RNF150: variants seen among roughly 807,000 people sequenced by gnomAD.
RNF150 encodes the protein ring finger protein 150.
In RNF150, 24 loss-of-function variants were observed where a neutral mutation model predicts 39.3. That is an observed-to-expected ratio of 0.61 (90% CI 0.44 to 0.86). The LOEUF (loss-of-function observed/expected upper bound fraction) is 0.86. Among genes scored for constraint, RNF150 ranks in the 40% least tolerant of loss-of-function variants. The pLI is 0.00. For missense variants in RNF150, 502 were observed against 587.8 expected (o/e 0.85, Z 1.51); for synonymous variants, 255 against 227.3 (o/e 1.12, Z -1.10).
chr4:140,999,658 C>G (rs73858693), intron 1 of RNF150, among the ~76,000 whole-genome samples: 11,521 of 152,036 alleles, frequency 0.076, 491 homozygotes, highest in Middle Eastern at 0.16. Context: ...TTCCAGGCCA[C>G]GTGCGGCGGC....
chr4:140,958,867 T>C (rs888365822), intron 2 of RNF150, among the ~76,000 whole-genome samples: 2 of 152,170 alleles, frequency 1.3e-5, no homozygotes, highest in Admixed American at 1.3e-4. Flanking sequence ...ATGTGTTAAA[T>C]GGACAGTAAA....
In RNF150 at chr4:141,132,536, G is replaced by A; in HGVS notation, c.273C>T (p.Val91=). 1.3e-6 allele frequency: 2 copies of A among 1,598,566 alleles called. No homozygotes were observed. The highest frequency in any genetic ancestry group is 8.5e-7 in the Non-Finnish European group (1 of 1,173,580). The change falls in exon 1 of 7, where the codon GTC becomes GTT. Residue 91 remains valine, a synonymous_variant. Coordinates refer to ENST00000515673, the MANE Select transcript of RNF150 (RefSeq NM_020724.2). The surrounding 1 kb of genome is among the most constrained non-coding windows in gnomAD (Gnocchi z 4.9). ...SPKQDARGEV[V]MASSAHDRLA... is the part of the protein sequence containing the mutation. ...GGCGGTCGTGGGCCGAGCTGGCCAT[G>A]ACCACCTCCCCGCGGGCGTCCTGCT...
intron 1 of RNF150, among the ~76,000 whole-genome samples, chr4:141,196,540 G>A (rs1248201123): frequency 6.6e-6 from 1 of 152,154 alleles, no homozygotes; most frequent in Non-Finnish European, 1.5e-5. Context: ...TTTGAGAATT[G>A]CTCCATTATG....
intron 4 of RNF150, among the ~76,000 whole-genome samples, chr4:140,945,116 T>C (rs543130687): frequency 4.6e-5 from 7 of 152,234 alleles, no homozygotes; most frequent in Admixed American, 4.6e-4. Context: ...GGGTTCATAG[T>C]ATGGAAATAA....
chr4:141,086,673 G>T (rs998744933), intron 1 of RNF150, among the ~76,000 whole-genome samples: 1 of 151,092 alleles, frequency 6.6e-6, no homozygotes, highest in African/African-American at 2.4e-5. Context: ...CCCCCTCTTT[G>T]ATGCCCCACT....
chr4:140,997,968 G>A (rs965118484), intron 1 of RNF150, among the ~76,000 whole-genome samples: 11 of 152,122 alleles, frequency 7.2e-5, no homozygotes, highest in African/African-American at 2.4e-4. Flanking sequence ...TCATACTCAT[G>A]TATGACCTAT....
chr4:140,969,266 T>G (rs1579013919), intron 1 of RNF150, among the ~76,000 whole-genome samples: 3 of 152,274 alleles, frequency 2.0e-5, no homozygotes, highest in East Asian at 3.9e-4. Context: ...AAAGTGTCTG[T>G]GTATGCTACA....
chr4:141,044,168 A>C (rs925064619), intron 1 of RNF150, among the ~76,000 whole-genome samples: 1 of 152,218 alleles, frequency 6.6e-6, no homozygotes, highest in Non-Finnish European at 1.5e-5. Context: ...ATTAGAGAGG[A>C]TGCCTTCTGG....
intron 1 of RNF150, among the ~76,000 whole-genome samples, chr4:141,046,981 A>C (rs924219589): frequency 6.6e-6 from 1 of 152,136 alleles, no homozygotes; most frequent in Non-Finnish European, 1.5e-5. Flanking sequence ...GCTCAAACTC[A>C]GTTTTGAAAT....
At chr4:141,090,712 C>T (rs7680099) in intron 1 of RNF150, among the ~76,000 whole-genome samples, 150,992 of 152,288 alleles carry the variant, frequency 0.99, 74,867 homozygotes, top group Middle Eastern at 1. Flanking sequence ...GAAGACACAA[C>T]GTAACTGGTG....
intron 6 of RNF150, among the ~76,000 whole-genome samples, chr4:140,902,596 AT>A (rs143194405): frequency 0.042 from 6,396 of 152,026 alleles, 468 homozygotes; most frequent in African/African-American, 0.15. Flanking sequence ...TTTCAGATCA[AT>A]TTTTTTTCAA....
chr4:141,190,941 C>G (rs983958249), intron 1 of RNF150, among the ~76,000 whole-genome samples: 2 of 152,074 alleles, frequency 1.3e-5, no homozygotes, highest in Non-Finnish European at 1.5e-5. Flanking sequence ...TATTTTAAAC[C>G]TTCTCATTTC....
intron 1 of RNF150, among the ~76,000 whole-genome samples, chr4:141,066,446 G>A (rs1163238387): frequency 1.3e-5 from 2 of 152,130 alleles, no homozygotes; most frequent in Non-Finnish European, 2.9e-5. Flanking sequence ...CTTAAAAAAT[G>A]ATGATGCCAC....
At position 141,147,604 on chromosome 4, in the gene RNF150, A is replaced by G. The variant is rs191264289; in HGVS notation, c.-6+65190T>C. Among the ~76,000 whole-genome samples the G allele has an allele frequency of 3.4e-4, 52 of 152,304 alleles. No individual in the cohort carries two copies. In the Middle Eastern group the frequency reaches 0.01, roughly 30 times the overall value. ...GGTGAAAACATAGCAGTCTTGGCCA[A>G]AATAACTGGATCTTAGCCAAGTGGG... On this transcript the variant is annotated intron_variant, in intron 1 of 7. Transcript: ENST00000420921.
intron 1 of RNF150, among the ~76,000 whole-genome samples, chr4:141,177,686 C>T (rs984880311): frequency 6.6e-6 from 1 of 152,072 alleles, no homozygotes; most frequent in Non-Finnish European, 1.5e-5. Flanking sequence ...TTCTTGTTCT[C>T]TTTTCTCCGA....
chr4:141,141,410 A>G (rs1271600249), intron 1 of RNF150, among the ~76,000 whole-genome samples: 2 of 152,206 alleles, frequency 1.3e-5, no homozygotes, highest in African/African-American at 4.8e-5. Flanking sequence ...ACGAATCTGG[A>G]TAAGGTACTT....
At chr4:140,967,992 C>G (rs1237974625) in intron 1 of RNF150, 119 bp from the exon 2 acceptor site, 1 of 865,548 alleles carries the variant, frequency 1.2e-6, no homozygotes, top group African/African-American at 1.7e-5. Context: ...TTTGAGAATT[C>G]TGTGCTGGGC....
intron 4 of RNF150, among the ~76,000 whole-genome samples, chr4:140,936,394 T>C (rs1731864594): frequency 6.6e-6 from 1 of 152,240 alleles, no homozygotes; most frequent in Non-Finnish European, 1.5e-5. Context: ...TTTAAACTCC[T>C]ACTACACTGC....
intron 1 of RNF150, among the ~76,000 whole-genome samples, chr4:141,191,238 G>T (rs534321833): frequency 6.6e-6 from 1 of 152,312 alleles, no homozygotes; most frequent in Admixed American, 6.5e-5. Context: ...ATCTGTGCCT[G>T]GTGTAGGTCA....
Sources: gnomAD v4.1 joint callset for allele counts (sites outside exome capture counted in the v4.1 genomes callset) on GRCh38, gnomAD v4.1.1 for gene constraint, Gnocchi (gnomAD v3.1) non-coding constraint, MANE v1.5 for transcripts, NCBI Gene and HGNC (gene_info 2026-07-23, HGNC 2026-07-21) for gene names.